The following EBF2 variants were observed in gnomAD, a reference collection of about 807,000 sequenced individuals.
EBF2 encodes the protein transcription factor COE2.
Under a neutral mutation model 72.8 loss-of-function variants are expected in EBF2, and 21 were observed. The observed-to-expected ratio is 0.29, with a 90% CI of 0.20 to 0.42. The LOEUF (loss-of-function observed/expected upper bound fraction) is 0.42, where lower values mean the gene tolerates loss of function less well. Ranked by LOEUF, EBF2 falls within the 10% of genes least tolerant of loss-of-function variation. The probability of loss-of-function intolerance (pLI) is 1.00; values close to 1 mark genes in which losing one functional copy is unlikely to be tolerated. For synonymous variants in EBF2, 299 were observed against 274.2 expected (o/e 1.09, Z -0.89); for missense variants, 637 against 731.2 (o/e 0.87, Z 1.49).
At chr8:26,027,319 G>T (rs995187618) in intron 6 of EBF2, among the ~76,000 whole-genome samples, 2 of 152,080 alleles carry the variant, frequency 1.3e-5, no homozygotes, top group Non-Finnish European at 2.9e-5. Context: ...GTTACTTCAT[G>T]AGGCAGAGAA....
chr8:25,867,086 G>T (rs1225171824), intron 10 of EBF2, among the ~76,000 whole-genome samples: 1 of 152,098 alleles, frequency 6.6e-6, no homozygotes, highest in Non-Finnish European at 1.5e-5. Flanking sequence ...ACTGGCACAA[G>T]GATTAAATCA....
intron 14 of EBF2, among the ~76,000 whole-genome samples, chr8:25,855,388 T>C (rs1202929634): frequency 6.6e-6 from 1 of 152,196 alleles, no homozygotes; most frequent in African/African-American, 2.4e-5. Flanking sequence ...GAAGTTTGTA[T>C]GTAAAATTGA....
chr8:25,956,405 C>CA (rs1228684813), intron 6 of EBF2, among the ~76,000 whole-genome samples: 230 of 132,426 alleles, frequency 1.7e-3, no homozygotes, highest in Middle Eastern at 4.2e-3. Flanking sequence ...AACTCCTTCT[C>CA]AAAAAAAAAA....
chr8:25,965,910 A>C (rs1343994929), intron 6 of EBF2, among the ~76,000 whole-genome samples: 2 of 152,290 alleles, frequency 1.3e-5, no homozygotes, highest in Non-Finnish European at 2.9e-5. Context: ...TTCCTCTGCC[A>C]GGGCATCAGC....
At position 26,044,068 on chromosome 8, in the gene EBF2, T is replaced by A. The variant is rs1805656722; in HGVS notation, c.131+661A>T. On this transcript the variant is annotated intron_variant, in intron 1 of 15. Transcript: ENST00000520164. This position sits in a 1 kb window ranked among gnomAD's most constrained non-coding sequence, Gnocchi z 4.1. ...AACTCTTTCTACTGTGACTCAGTAT[T>A]TTCTCTTCTTTTAAATCTCTTCTTT... Among the ~76,000 whole-genome samples, 1 of 152,218 alleles carries A rather than the reference T, an allele frequency of 6.6e-6. No homozygotes were observed. The highest frequency in any genetic ancestry group is 1.9e-4 in the East Asian group (1 of 5,182).
At chr8:25,906,870 T>G (rs1803042046) in intron 7 of EBF2, among the ~76,000 whole-genome samples, 1 of 152,124 alleles carries the variant, frequency 6.6e-6, no homozygotes, top group Admixed American at 6.6e-5. Flanking sequence ...GGTAATAGTG[T>G]TAAGTATTGT....
At chr8:25,860,337 G>T (rs945651697) in intron 13 of EBF2, among the ~76,000 whole-genome samples, 1 of 152,078 alleles carries the variant, frequency 6.6e-6, no homozygotes, top group Non-Finnish European at 1.5e-5. Context: ...AGAGAAATTT[G>T]GGTATCATAA....
rs548398279 is a variant in EBF2 at position 25,952,547 on chromosome 8, C to T, written c.552-43992G>A. ...GGATTTTGCGAAGTGGCCAGGCAGT[C>T]ATTAGGTAAGGAGCTATTACAAATC... is the stretch of plus-strand genomic sequence containing the variant. On this transcript the variant is annotated intron_variant, in intron 6 of 15. Coordinates refer to ENST00000520164, the MANE Select transcript of EBF2 (RefSeq NM_022659.4). 2.6e-5 allele frequency among the ~76,000 whole-genome samples: 4 copies of T among 152,252 alleles called. No homozygotes were observed. The South Asian group carries it at 8.3e-4, about 32-fold the overall frequency.
chr8:25,914,037 G>GCCTCTCTTCTTCCAGGAT (rs1326268121), intron 6 of EBF2, among the ~76,000 whole-genome samples: 2 of 152,154 alleles, frequency 1.3e-5, no homozygotes, highest in Non-Finnish European at 2.9e-5. Context: ...ATGGGCAGTT[G>GCCTCTCTTCTTCCAGGAT]CCTCTCTTCT....
At chr8:25,889,262 A>T (rs1681623998) in intron 8 of EBF2, among the ~76,000 whole-genome samples, 1 of 152,206 alleles carries the variant, frequency 6.6e-6, no homozygotes, top group Non-Finnish European at 1.5e-5. Flanking sequence ...GAAATTTAAC[A>T]GTTACCGGTA....
intron 10 of EBF2, among the ~76,000 whole-genome samples, chr8:25,881,824 A>G (rs1048964301): frequency 2.0e-5 from 3 of 152,156 alleles, no homozygotes; most frequent in African/African-American, 7.2e-5. Context: ...CATCCAGAGG[A>G]ACGCACCGAC....
intron 6 of EBF2, among the ~76,000 whole-genome samples, chr8:26,029,363 A>T (rs902746205): frequency 3.3e-5 from 5 of 152,316 alleles, no homozygotes; most frequent in African/African-American, 9.6e-5. Flanking sequence ...TATCAAGGGC[A>T]TTTCTGAGAG....
chr8:25,972,323 G>C (rs1804203419), intron 6 of EBF2, among the ~76,000 whole-genome samples: 1 of 152,048 alleles, frequency 6.6e-6, no homozygotes, highest in Non-Finnish European at 1.5e-5. Context: ...CCTCACCTTG[G>C]GTCTGAGATG....
At chr8:25,996,239 G>A (rs1804628620) in intron 6 of EBF2, among the ~76,000 whole-genome samples, 1 of 149,082 alleles carries the variant, frequency 6.7e-6, no homozygotes, top group Admixed American at 6.7e-5. Context: ...AGGTTGCAGT[G>A]AGCCAAGATC....
intron 6 of EBF2, among the ~76,000 whole-genome samples, chr8:25,986,485 G>C (rs1804459103): frequency 6.6e-6 from 1 of 152,106 alleles, no homozygotes; most frequent in African/African-American, 2.4e-5. Context: ...GTCCACCACG[G>C]CACCAAACTC....
intron 5 of EBF2, 129 bp downstream of exon 5, chr8:26,039,899 G>A: frequency 6.8e-6 from 6 of 884,924 alleles, no homozygotes; most frequent in Admixed American, 1.8e-5. Flanking sequence ...CTCTGCGCCC[G>A]TCTGCCCGCG....
intron 1 of EBF2, among the ~76,000 whole-genome samples, chr8:26,042,490 G>A (rs562170124): frequency 6.6e-6 from 1 of 152,252 alleles, no homozygotes; most frequent in African/African-American, 2.4e-5. Context: ...CCACCAAGTG[G>A]TCCGGCATCC....
At chr8:26,033,925 A>T (rs985084999) in intron 5 of EBF2, among the ~76,000 whole-genome samples, 4 of 152,252 alleles carry the variant, frequency 2.6e-5, no homozygotes, top group African/African-American at 9.6e-5. Context: ...AATTCTCAGC[A>T]AATCACAACT....
At chr8:26,017,928 T>C (rs991354327) in intron 6 of EBF2, among the ~76,000 whole-genome samples, 1 of 152,152 alleles carries the variant, frequency 6.6e-6, no homozygotes. Context: ...GGTTAATGCA[T>C]GCACTTGGCG....
Sources: gnomAD v4.1 joint callset for allele counts (sites outside exome capture counted in the v4.1 genomes callset) on GRCh38, gnomAD v4.1.1 for gene constraint, Gnocchi (gnomAD v3.1) non-coding constraint, MANE v1.5 for transcripts, NCBI Gene and HGNC (gene_info 2026-07-23, HGNC 2026-07-21) for gene names.